COL25A1: variants seen among roughly 807,000 people sequenced by gnomAD.
COL25A1 encodes collagen type XXV alpha 1 chain.
In COL25A1, 103 loss-of-function variants were observed where a neutral mutation model predicts 128.4. The ratio of observed to expected loss-of-function variants is 0.80; its 90% CI spans 0.68 to 0.94. The LOEUF (loss-of-function observed/expected upper bound fraction) is 0.94, where lower values mean the gene tolerates loss of function less well. Ranked by LOEUF, COL25A1 falls within the 40% of genes least tolerant of loss-of-function variation. The pLI, the probability that COL25A1 is intolerant of heterozygous loss-of-function variation, is 0.00. For synonymous variants in COL25A1, 279 were observed against 277.2 expected, an observed-to-expected ratio of 1.01 and a Z score of -0.06; for missense variants, 745 against 840.0, an observed-to-expected ratio of 0.89 and a Z score of 1.40.
intron 3 of COL25A1, among the ~76,000 whole-genome samples, chr4:109,120,566 T>G (rs1409092701): frequency 6.6e-6 from 1 of 151,988 alleles, no homozygotes; most frequent in African/African-American, 2.4e-5. Flanking sequence ...CCCAGCATTT[T>G]GGGAGGCCAA....
chr4:109,086,469 T>C (rs1342717841), intron 3 of COL25A1, among the ~76,000 whole-genome samples: 1 of 152,238 alleles, frequency 6.6e-6, no homozygotes, highest in Non-Finnish European at 1.5e-5. Flanking sequence ...AGATAATTTA[T>C]CATCTTCTAT....
intron 3 of COL25A1, among the ~76,000 whole-genome samples, chr4:109,182,173 T>A (rs1774716389): frequency 6.6e-6 from 1 of 152,124 alleles, no homozygotes. Flanking sequence ...AATGCAGATA[T>A]CTTTATGAGG....
intron 3 of COL25A1, among the ~76,000 whole-genome samples, chr4:109,260,540 G>C (rs1781375147): frequency 6.6e-6 from 1 of 152,050 alleles, no homozygotes. Context: ...GTGTCACCCA[G>C]GCTGGAGTGC....
At chr4:108,896,421 C>T (rs11947007) in intron 16 of COL25A1, among the ~76,000 whole-genome samples, 3,001 of 152,194 alleles carry the variant, frequency 0.02, 97 homozygotes, top group African/African-American at 0.067. Context: ...AACTTAGCTA[C>T]ACATTTTCTA....
At chr4:108,863,124 A>G (rs776586713) in intron 21 of COL25A1, among the ~76,000 whole-genome samples, 195 bp downstream of exon 21, 2 of 152,194 alleles carry the variant, frequency 1.3e-5, no homozygotes, top group Non-Finnish European at 2.9e-5. Context: ...CAATTTGCTC[A>G]CTGAACAGAA....
At chr4:109,056,638 T>TA (rs66921470) in intron 3 of COL25A1, among the ~76,000 whole-genome samples, 47,112 of 148,484 alleles carry the variant, frequency 0.32, 8,371 homozygotes, top group East Asian at 0.57. Flanking sequence ...ACAAAAAGAT[T>TA]AAAAAAAAAA....
chr4:109,098,720 T>C (rs963738628), intron 3 of COL25A1, among the ~76,000 whole-genome samples: 4 of 152,192 alleles, frequency 2.6e-5, no homozygotes, highest in African/African-American at 9.6e-5. Context: ...TTTTACCTGA[T>C]AGCAAGAATA....
At chr4:109,125,171 A>G (rs1159550712) in intron 3 of COL25A1, among the ~76,000 whole-genome samples, 1 of 152,130 alleles carries the variant, frequency 6.6e-6, no homozygotes, top group Non-Finnish European at 1.5e-5. Flanking sequence ...GTTAAACTCT[A>G]TCTATTACTA....
At chr4:108,929,648 C>G (rs1042097260) in intron 11 of COL25A1, among the ~76,000 whole-genome samples, 2 of 152,006 alleles carry the variant, frequency 1.3e-5, no homozygotes, top group Non-Finnish European at 2.9e-5. Context: ...ATACAGCAAG[C>G]CTCCATCTCC....
chr4:109,178,835 C>CAAAAA (rs34132262), intron 3 of COL25A1, among the ~76,000 whole-genome samples: 13 of 47,556 alleles, frequency 2.7e-4, no homozygotes, highest in African/African-American at 9.3e-4. Context: ...ACTCCATCTC[C>CAAAAA]AAAAAAAAAA....
At position 109,289,409 on chromosome 4, in the gene COL25A1, G is replaced by A. The variant is rs1056834718; in HGVS notation, c.367+11174C>T. On this transcript the variant is annotated intron_variant, in intron 3 of 37. Coordinates refer to ENST00000399132, the MANE Select transcript of COL25A1 (RefSeq NM_198721.4). ...TTTAACACTTGTTAATTTTACATCT[G>A]TATGAAACTCATAATTTTCTTTTTT... 2.0e-5 allele frequency among the ~76,000 whole-genome samples: 3 copies of A among 151,944 alleles called. No individual in the cohort carries two copies. The East Asian group carries it at 5.8e-4, about 29-fold the overall frequency.
Position 109,254,505 on chromosome 4 carries a change from A to ATATATATATATGTG in COL25A1, c.367+46077_367+46078insCACATATATATATA, listed in dbSNP as rs1383703429. Among the ~76,000 whole-genome samples the ATATATATATATGTG allele has an allele frequency of 8.4e-3, 882 of 104,800 alleles. 25 individuals are homozygous for ATATATATATATGTG. Among genetic ancestry groups the ATATATATATATGTG allele is most frequent in the Admixed American group, 0.02 (187 of 9,210 alleles). The allele number at this position is 104,800 out of a possible 152,430, so 68.8% of individuals were successfully genotyped here. On this transcript the variant is annotated intron_variant, in intron 3 of 37. Transcript: ENST00000399132. ...TATATATATATATATATATATATAT[A>ATATATATATATGTG]TGTATGTGTGTATATACATATACAT...
rs188168601 is a variant in COL25A1, at chr4:109,005,488, T to C, written c.438+4870A>G. ...GAAGTATTTTGTTTGGAAACCTAAT[T>C]AGATCTTCCTGTAGGAATCACAATA... On this transcript the variant is annotated intron_variant, in intron 6 of 37. Coordinates refer to ENST00000399132, the MANE Select transcript of COL25A1 (RefSeq NM_198721.4). Among the ~76,000 whole-genome samples, 487 of 152,274 alleles carry C rather than the reference T, an allele frequency of 3.2e-3. 1 individual carries two copies. Among genetic ancestry groups the C allele is most frequent in the African/African-American group, 0.011 (462 of 41,550 alleles).
At position 109,301,799 on chromosome 4, in the gene COL25A1, G is replaced by A. The variant is rs754855200; in HGVS notation, c.221C>T (p.Ser74Phe). The part of the protein sequence containing the change: ...AALESAKGAP[S>F]IHLLPDTLDH... ...CAGGGTATCAGGCAGCAGATGAATG[G>A]AAGGGGCCCCTTTGGCGGATTCGAG... is the stretch of plus-strand genomic sequence containing the variant. Residue 74 changes from serine to phenylalanine, a missense_variant, in exon 2 of 38, where the codon TCC becomes TTC. Coordinates refer to ENST00000399132, the MANE Select transcript of COL25A1 (RefSeq NM_198721.4). 3 of 1,614,242 alleles carry A rather than the reference G, an allele frequency of 1.9e-6. No homozygotes were observed. Among genetic ancestry groups the A allele is most frequent in the South Asian group, 1.1e-5 (1 of 91,086 alleles).
intron 3 of COL25A1, among the ~76,000 whole-genome samples, chr4:109,066,496 G>T (rs1762463023): frequency 6.6e-6 from 1 of 152,182 alleles, no homozygotes; most frequent in Admixed American, 6.5e-5. Flanking sequence ...TTGTATTGCA[G>T]TTATTTCTTT....
intron 3 of COL25A1, among the ~76,000 whole-genome samples, chr4:109,228,949 C>T (rs974674817): frequency 2.8e-4 from 42 of 152,132 alleles, no homozygotes; most frequent in African/African-American, 3.4e-4. Context: ...TATTTTTAAA[C>T]GCCCAACTGC....
At chr4:109,200,549 C>T (rs977543374) in intron 3 of COL25A1, among the ~76,000 whole-genome samples, 11 of 152,140 alleles carry the variant, frequency 7.2e-5, no homozygotes, top group Non-Finnish European at 1.0e-4. Context: ...CCTCCGCCTC[C>T]TGGGTTCAAG....
intron 3 of COL25A1, among the ~76,000 whole-genome samples, chr4:109,177,236 A>G (rs1774186201): frequency 6.6e-6 from 1 of 152,196 alleles, no homozygotes; most frequent in Non-Finnish European, 1.5e-5. Context: ...TAGTTGCGTC[A>G]TTGGACACAC....
chr4:109,245,888 G>C (rs988542940), intron 3 of COL25A1, among the ~76,000 whole-genome samples: 18 of 152,192 alleles, frequency 1.2e-4, no homozygotes, highest in African/African-American at 3.6e-4. Context: ...CCAGGGATCA[G>C]GATCAGGGTT....
Sources: gnomAD v4.1 joint callset for allele counts (sites outside exome capture counted in the v4.1 genomes callset) on GRCh38, gnomAD v4.1.1 for gene constraint, MANE v1.5 for transcripts, NCBI Gene and HGNC (gene_info 2026-07-23, HGNC 2026-07-21) for gene names.